The following YEATS2 variants were observed in gnomAD, a reference collection of about 807,000 sequenced individuals.
YEATS2 encodes YEATS domain-containing protein 2.
In YEATS2, 77 loss-of-function variants were observed where a neutral mutation model predicts 163.2. The ratio of observed to expected loss-of-function variants is 0.47; its 90% CI spans 0.39 to 0.57. The LOEUF (loss-of-function observed/expected upper bound fraction) is 0.57. Ranked by LOEUF, YEATS2 falls within the 20% of genes least tolerant of loss-of-function variation. The pLI, the probability that YEATS2 is intolerant of heterozygous loss-of-function variation, is 0.00. For synonymous variants in YEATS2, 631 were observed against 645.1 expected (o/e 0.98, Z 0.33); for missense variants, 1,549 against 1,729.8 (o/e 0.90, Z 1.85).
chr3:183,791,855 CAGAG>C (rs976252894), intron 21 of YEATS2, among the ~76,000 whole-genome samples: 1 of 152,164 alleles, frequency 6.6e-6, no homozygotes, highest in African/African-American at 2.4e-5. Context: ...TTCTGAGTAA[CAGAG>C]AGCACACATC....
At chr3:183,708,367 G>T (rs898806595) in intron 1 of YEATS2, among the ~76,000 whole-genome samples, 14 of 151,884 alleles carry the variant, frequency 9.2e-5, no homozygotes, top group African/African-American at 3.4e-4. Flanking sequence ...TCACCATGTT[G>T]TTGGCCACAT....
chr3:183,754,139 C>A lies in YEATS2; in HGVS notation c.1164C>A (p.Ser388Arg). ...CATCTCAAGCAGGATTCCCAGCTAG[C>A]ACTGAAGCTGAACGACACACTCCGT... ...DTSVEKGFPA[S>R]TEAERHTPFY... is the part of the protein sequence containing the mutation. Residue 388 changes from serine to arginine, a missense_variant, in exon 11 of 31, where the codon AGC becomes AGA. Ser to Arg is a moderately radical substitution (Grantham distance 110). Coordinates refer to ENST00000305135, the MANE Select transcript of YEATS2 (RefSeq NM_018023.5). 6.3e-7 allele frequency: 1 copy of A among 1,579,106 alleles called. No homozygotes were observed. Among genetic ancestry groups the A allele is most frequent in the South Asian group, 1.1e-5 (1 of 87,542 alleles).
chr3:183,705,210 T>C (rs1442772239), intron 1 of YEATS2, among the ~76,000 whole-genome samples: 1 of 152,004 alleles, frequency 6.6e-6, no homozygotes, highest in African/African-American at 2.4e-5. Context: ...CCACTACTCC[T>C]AACTAATTTT....
chr3:183,774,207 T>TCC (rs1163181472), intron 17 of YEATS2, among the ~76,000 whole-genome samples: 1 of 152,004 alleles, frequency 6.6e-6, no homozygotes, highest in Non-Finnish European at 1.5e-5. Flanking sequence ...AGATCAGGGG[T>TCC]CCCCAACCCC....
At chr3:183,722,200 G>A in intron 5 of YEATS2, 64 bp downstream of exon 5, 1 of 1,537,250 alleles carries the variant, frequency 6.5e-7, no homozygotes, top group Non-Finnish European at 8.8e-7. Context: ...ACTAAAGTAT[G>A]CGCTTGTTAT....
At chr3:183,776,148 T>C (rs1722976526) in intron 18 of YEATS2, 25 bp downstream of exon 18, 1 of 1,525,452 alleles carries the variant, frequency 6.6e-7, no homozygotes, top group South Asian at 1.3e-5. Flanking sequence ...AACTGATATT[T>C]TAAATCATTT....
chr3:183,806,789 C>G (rs1726251279), intron 27 of YEATS2, 77 bp from the exon 28 acceptor site: 1 of 1,491,212 alleles, frequency 6.7e-7, no homozygotes, highest in Admixed American at 1.8e-5. Flanking sequence ...CTTCCTCAGA[C>G]CATGGGTCTC....
intron 14 of YEATS2, 152 bp from the exon 15 acceptor site, chr3:183,761,945 A>G: frequency 2.0e-6 from 2 of 1,018,324 alleles, no homozygotes; most frequent in East Asian, 2.5e-5. Flanking sequence ...TTTAAGCAGT[A>G]TGTATATTTA....
intron 25 of YEATS2, 39 bp from the exon 26 acceptor site, chr3:183,803,217 A>C: frequency 1.0e-4 from 159 of 1,595,480 alleles, no homozygotes; most frequent in Non-Finnish European, 1.3e-4. Context: ...TGGAATCGTA[A>C]GAGCTTTATT....
intron 7 of YEATS2, among the ~76,000 whole-genome samples, chr3:183,736,073 T>C (rs980761615): frequency 1.3e-5 from 2 of 152,296 alleles, no homozygotes; most frequent in South Asian, 2.1e-4. Context: ...TCACCAGTTA[T>C]TAACAATTTG....
At chr3:183,794,042 A>AG (rs1183423886) in intron 21 of YEATS2, among the ~76,000 whole-genome samples, 1 of 152,196 alleles carries the variant, frequency 6.6e-6, no homozygotes, top group Admixed American at 6.5e-5. Flanking sequence ...TGAGCAACGG[A>AG]GAGAGCATAA....
chr3:183,758,645 A>T (rs751202152), intron 12 of YEATS2, among the ~76,000 whole-genome samples: 1 of 152,192 alleles, frequency 6.6e-6, no homozygotes, highest in Non-Finnish European at 1.5e-5. Flanking sequence ...TGTCCTTACC[A>T]GCTTCTTACC....
chr3:183,773,462 C>T (rs1396619182), intron 16 of YEATS2, among the ~76,000 whole-genome samples, 171 bp from the exon 17 acceptor site: 1 of 152,132 alleles, frequency 6.6e-6, no homozygotes, highest in East Asian at 1.9e-4. Flanking sequence ...TTTTAATTAG[C>T]AAGATATTTA....
In YEATS2 at chr3:183,736,919, C is replaced by T. The variant is rs1046320832; in HGVS notation, c.924+90C>T. Reference sequence around the variant, plus strand: ...GAATAGCATGGCGGTTAAGGACCCCCTCGCATTAAAAAATTCACATACAAC... The same window carrying T: ...GAATAGCATGGCGGTTAAGGACCCCTTCGCATTAAAAAATTCACATACAAC... On this transcript the variant is annotated intron_variant, in intron 8 of 30. Coordinates refer to ENST00000305135, the MANE Select transcript of YEATS2 (RefSeq NM_018023.5). The T allele has an allele frequency of 1.3e-5, 15 of 1,155,028 alleles. 1 individual carries two copies. The Middle Eastern group carries it at 1.9e-3, about 149-fold the overall frequency. The allele number at this position is 1,155,028 out of a possible 1,614,324, so 71.5% of individuals were successfully genotyped here.
chr3:183,749,517 A>G (rs893903610), intron 9 of YEATS2, among the ~76,000 whole-genome samples: 3 of 152,178 alleles, frequency 2.0e-5, no homozygotes, highest in African/African-American at 4.8e-5. Flanking sequence ...GGTACCTCAT[A>G]TAAGTGGAAT....
chr3:183,722,049 A>G lies in YEATS2; in HGVS notation c.450A>G (p.Leu150=). 1 of 1,614,166 alleles carries G rather than the reference A, an allele frequency of 6.2e-7. No individual in the cohort carries two copies. Among genetic ancestry groups the G allele is most frequent in the Middle Eastern group, 1.6e-4 (1 of 6,062 alleles). Residue 150 remains leucine, a synonymous_variant, in exon 5 of 31, where the codon TTA becomes TTG. Transcript: ENST00000305135. The part of the protein sequence containing the change: ...SDSLSQHNDF[L]SDKDNNSNMD... Reference sequence around the variant, plus strand: ...CTTTATCTCAGCACAATGACTTCTTATCTGACAAAGATAATAACAGCAATA... The same window carrying G: ...CTTTATCTCAGCACAATGACTTCTTGTCTGACAAAGATAATAACAGCAATA...
intron 9 of YEATS2, among the ~76,000 whole-genome samples, chr3:183,749,602 C>T (rs1273503263): frequency 1.3e-5 from 2 of 152,002 alleles, no homozygotes; most frequent in Admixed American, 6.6e-5. Context: ...CATGTTGTAG[C>T]GTATGTCAGA....
At position 183,754,112 on chromosome 3, in the gene YEATS2, T is replaced by C; in HGVS notation, c.1151-14T>C. ...GATTGATGACTTGCCGTTTGCCTCTTTCATCTCAAGCAGGATTCCCAGCTA... is the reference window on the plus strand; with the variant it reads ...GATTGATGACTTGCCGTTTGCCTCTCTCATCTCAAGCAGGATTCCCAGCTA... On this transcript the variant is annotated splice_polypyrimidine_tract_variant and intron_variant, in intron 10 of 30. Transcript: ENST00000305135. The C allele has an allele frequency of 1.3e-6, 2 of 1,529,122 alleles. No homozygotes were observed. The highest frequency in any genetic ancestry group is 2.0e-5 in the Admixed American group (1 of 50,978). 94.7% of individuals were successfully genotyped at this position (1,529,122 alleles called of 1,614,324 possible).
chr3:183,775,098 A>C (rs1722828681), intron 17 of YEATS2, among the ~76,000 whole-genome samples: 2 of 152,216 alleles, frequency 1.3e-5, no homozygotes, highest in Admixed American at 1.3e-4. Context: ...AAAAGACTTC[A>C]AGGCTTTGAA....
Sources: allele counts gnomAD v4.1 joint callset (sites outside exome capture counted in the v4.1 genomes callset), GRCh38; gene constraint gnomAD v4.1.1; transcripts MANE v1.5; gene names NCBI Gene and HGNC (gene_info 2026-07-23, HGNC 2026-07-21).